Variants in PPP3CB observed in about 807,000 individuals in gnomAD.
PPP3CB encodes the protein serine/threonine-protein phosphatase 2B catalytic subunit beta isoform.
A neutral mutation model predicts 66.4 loss-of-function variants in PPP3CB; 8 were observed. The ratio of observed to expected loss-of-function variants is 0.12; its 90% CI spans 0.07 to 0.22. The LOEUF (loss-of-function observed/expected upper bound fraction) is 0.22, where lower values mean the gene tolerates loss of function less well. Ranked by LOEUF, PPP3CB falls within the 10% of genes least tolerant of loss-of-function variation. PPP3CB has a pLI of 1.00. For missense variants in PPP3CB, 319 were observed against 642.5 expected (o/e 0.50, Z 5.44); for synonymous variants, 208 against 221.2 (o/e 0.94, Z 0.53).
rs781708948 is a variant in PPP3CB, at chr10:73,436,640, GTTTTT to G, written c.*1597_*1601del. 6.6e-6 allele frequency: 1 copy of G among 151,836 alleles called. No homozygotes were observed. The highest frequency in any genetic ancestry group is 1.5e-5 in the Non-Finnish European group (1 of 67,954). 9.4% of individuals were successfully genotyped at this position (151,836 alleles called of 1,614,324 possible). A position where few individuals can be genotyped will look rare whatever the true frequency, so the allele number is the denominator to read the frequency against. On this transcript the variant is annotated 3_prime_UTR_variant, in exon 14 of 14. Coordinates refer to ENST00000360663, the MANE Select transcript of PPP3CB (RefSeq NM_021132.4). The stretch of plus-strand genomic sequence containing the variant: ...CATGTAAAACAAGTATATAACAAAA[GTTTTT>G]TTTAAGGCAAAATTTATAAAGAATT...
chr10:73,458,470 A>T (rs2056466468), intron 9 of PPP3CB, among the ~76,000 whole-genome samples: 1 of 152,042 alleles, frequency 6.6e-6, no homozygotes, highest in Non-Finnish European at 1.5e-5. Context: ...TTTTAAGACA[A>T]ATAACCCAAT....
rs1057512165 is a variant in PPP3CB at position 73,437,353 on chromosome 10, C to T, written c.*889G>A. ...TCTCATAACATCTAGGTAACCTATA[C>T]ATGTCGTACCTGTACATCATAGGTC... On this transcript the variant is annotated 3_prime_UTR_variant, in exon 14 of 14. Transcript: ENST00000360663. The T allele has an allele frequency of 1.3e-5, 2 of 152,618 alleles. No homozygotes were observed. Among genetic ancestry groups the T allele is most frequent in the Non-Finnish European group, 1.5e-5 (1 of 68,042 alleles). 9.5% of individuals were successfully genotyped at this position (152,618 alleles called of 1,614,324 possible).
intron 1 of PPP3CB, among the ~76,000 whole-genome samples, chr10:73,481,046 T>G (rs2056867138): frequency 6.6e-6 from 1 of 152,152 alleles, no homozygotes; most frequent in African/African-American, 2.4e-5. Context: ...AGTTTCAGGC[T>G]CTTTACTGAA....
intron 9 of PPP3CB, among the ~76,000 whole-genome samples, chr10:73,461,489 T>C (rs1386999507): frequency 6.6e-6 from 1 of 152,194 alleles, no homozygotes; most frequent in Non-Finnish European, 1.5e-5. Flanking sequence ...CTGCTGGGTT[T>C]CAGACTTGCA....
chr10:73,493,779 C>T (rs1332594867), intron 1 of PPP3CB, among the ~76,000 whole-genome samples: 1 of 152,158 alleles, frequency 6.6e-6, no homozygotes, highest in African/African-American at 2.4e-5. Context: ...TCTATATTAA[C>T]AAGCTCCTTT....
At chr10:73,486,118 G>C (rs1258650658) in intron 1 of PPP3CB, among the ~76,000 whole-genome samples, 3 of 149,714 alleles carry the variant, frequency 2.0e-5, no homozygotes, top group Non-Finnish European at 4.5e-5. Flanking sequence ...GCTAATCTTT[G>C]TATTTTTAGT....
At chr10:73,444,570 G>A (rs1054031882) in intron 12 of PPP3CB, 155 bp downstream of exon 12, 4 of 1,549,298 alleles carry the variant, frequency 2.6e-6, no homozygotes, top group Admixed American at 3.9e-5. Flanking sequence ...GTATTAATGA[G>A]ACACTAGCTA....
At chr10:73,465,267 G>C (rs893338955) in intron 9 of PPP3CB, among the ~76,000 whole-genome samples, 3 of 152,048 alleles carry the variant, frequency 2.0e-5, no homozygotes, top group African/African-American at 7.2e-5. Context: ...GTCTAGGCTG[G>C]GGTGCAGTGG....
intron 8 of PPP3CB, among the ~76,000 whole-genome samples, chr10:73,468,790 AT>A (rs2056659625): frequency 6.6e-6 from 1 of 152,228 alleles, no homozygotes; most frequent in South Asian, 2.1e-4. Context: ...AAATAAAAGT[AT>A]TTTAAATTAT....
chr10:73,479,265 C>T (rs1380322090), intron 2 of PPP3CB, 52 bp downstream of exon 2: 1 of 1,503,662 alleles, frequency 6.7e-7, no homozygotes, highest in African/African-American at 1.4e-5. Flanking sequence ...TAAATCCAGG[C>T]AACTAAATAA....
intron 11 of PPP3CB, among the ~76,000 whole-genome samples, chr10:73,445,493 C>T (rs969996134): frequency 1.3e-5 from 2 of 152,232 alleles, no homozygotes; most frequent in African/African-American, 4.8e-5. Flanking sequence ...GTCACCCAGG[C>T]TGGAGTGCAG....
intron 1 of PPP3CB, 179 bp downstream of exon 1, chr10:73,495,626 A>C: frequency 2.2e-6 from 2 of 892,880 alleles, no homozygotes. Flanking sequence ...AGACCGCGGA[A>C]CCACTGCCAC....
In PPP3CB at chr10:73,470,564, C is replaced by T. The variant is rs193063784; in HGVS notation, c.982+123G>A. 2.6e-3 allele frequency: 1,548 copies of T among 587,600 alleles called. 5 individuals carry two copies. The highest frequency in any genetic ancestry group is 2.9e-3 in the Non-Finnish European group (1,003 of 348,400). 36.4% of individuals were successfully genotyped at this position (587,600 alleles called of 1,614,324 possible). A position where few individuals can be genotyped will look rare whatever the true frequency, so the allele number is the denominator to read the frequency against. On this transcript the variant is annotated intron_variant, in intron 8 of 13. Transcript: ENST00000360663. ...TTATTGTTCTCTCCCCTCCATCTTA[C>T]AGTTATTTATAAAGAAATCTGGATA...
chr10:73,492,107 T>C (rs994173366), intron 1 of PPP3CB, among the ~76,000 whole-genome samples: 2 of 152,144 alleles, frequency 1.3e-5, no homozygotes, highest in Non-Finnish European at 2.9e-5. Flanking sequence ...AATTCTAACG[T>C]TGTCAATCAG....
chr10:73,478,979 T>A (rs2056833178), intron 2 of PPP3CB, among the ~76,000 whole-genome samples: 1 of 152,236 alleles, frequency 6.6e-6, no homozygotes, highest in Non-Finnish European at 1.5e-5. Context: ...TGTTGCTCTC[T>A]AAATGGTCAC....
chr10:73,465,983 T>C (rs1054034713), intron 9 of PPP3CB, among the ~76,000 whole-genome samples: 1 of 152,230 alleles, frequency 6.6e-6, no homozygotes, highest in African/African-American at 2.4e-5. Context: ...AAAGTTTGAA[T>C]ATTTCTTTGT....
chr10:73,457,260 G>GAAAAAAA lies in PPP3CB; in HGVS notation c.1109-2778_1109-2772dup, dbSNP rs35129439. Among the ~76,000 whole-genome samples the GAAAAAAA allele has an allele frequency of 1.4e-3, 96 of 69,030 alleles. 3 individuals are homozygous for GAAAAAAA. Among genetic ancestry groups the GAAAAAAA allele is most frequent in the East Asian group, 1.8e-3 (4 of 2,222 alleles). The allele number at this position is 69,030 out of a possible 152,430, so 45.3% of individuals were successfully genotyped here. A position where few individuals can be genotyped will look rare whatever the true frequency, so the allele number is the denominator to read the frequency against. On this transcript the variant is annotated intron_variant, in intron 9 of 13. Transcript: ENST00000360663. ...ACACAAAGATCCCATCTCTAAAAAA[G>GAAAAAAA]AAAAAAAAAAAAAAAAAAAAAAAAA...
chr10:73,488,199 T>C (rs1353719449), intron 1 of PPP3CB, among the ~76,000 whole-genome samples: 1 of 152,162 alleles, frequency 6.6e-6, no homozygotes, highest in African/African-American at 2.4e-5. Flanking sequence ...CTGTAGCATA[T>C]GTCTTTATAC....
At chr10:73,495,616 A>C in intron 1 of PPP3CB, 189 bp downstream of exon 1, 4 of 792,794 alleles carry the variant, frequency 5.0e-6, no homozygotes, top group Non-Finnish European at 6.9e-6. Flanking sequence ...AGCAACCGGG[A>C]GACCGCGGAA....
Sources: gnomAD v4.1 joint callset for allele counts (sites outside exome capture counted in the v4.1 genomes callset) on GRCh38, gnomAD v4.1.1 for gene constraint, MANE v1.5 for transcripts, NCBI Gene and HGNC (gene_info 2026-07-23, HGNC 2026-07-21) for gene names.